Variants in CARS1 observed in about 807,000 individuals in gnomAD.
CARS1 encodes cysteine--tRNA ligase, cytoplasmic.
In CARS1, 48 loss-of-function variants were observed where a neutral mutation model predicts 106.2. The ratio of observed to expected loss-of-function variants is 0.45; its 90% confidence interval spans 0.36 to 0.57. The LOEUF (loss-of-function observed/expected upper bound fraction) is 0.57. Ranked by LOEUF, CARS1 falls within the 20% of genes least tolerant of loss-of-function variation. The pLI is 0.00. For missense variants in CARS1, 968 were observed against 1,057.2 expected (o/e 0.92, Z 1.17); for synonymous variants, 409 against 403.4 (o/e 1.01, Z -0.17).
chr11:3,018,772 T>G (rs747684315), intron 12 of CARS1, 23 bp from the exon 13 acceptor site: 1 of 1,609,446 alleles, frequency 6.2e-7, no homozygotes, highest in East Asian at 2.2e-5. Context: ...AGACAAAGGA[T>G]GTCAACAGTC....
chr11:3,024,708 A>C (rs543944412), intron 10 of CARS1, among the ~76,000 whole-genome samples: 1 of 152,310 alleles, frequency 6.6e-6, no homozygotes, highest in East Asian at 1.9e-4. Flanking sequence ...TCGGCCTCCC[A>C]AAGTGCTGGG....
chr11:3,032,549 G>A (rs1442828552), intron 7 of CARS1, among the ~76,000 whole-genome samples: 2 of 152,166 alleles, frequency 1.3e-5, no homozygotes, highest in Non-Finnish European at 2.9e-5. Flanking sequence ...CTAGAGAACT[G>A]ACTGGTTGTC....
chr11:3,010,911 A>G (rs1850384865), intron 18 of CARS1, among the ~76,000 whole-genome samples: 2 of 152,128 alleles, frequency 1.3e-5, no homozygotes, highest in Admixed American at 1.3e-4. Flanking sequence ...ACCCTCCATA[A>G]TGGGCTCTGC....
At chr11:3,010,083 CACAAA>C (rs1225871970) in intron 18 of CARS1, among the ~76,000 whole-genome samples, 20 of 152,232 alleles carry the variant, frequency 1.3e-4, no homozygotes, top group Non-Finnish European at 4.4e-5. Context: ...TGCTCCAAGC[CACAAA>C]ACAAAAGTGA....
At position 3,030,942 on chromosome 11, in the gene CARS1, T is replaced by C. The variant is rs1565072274; in HGVS notation, c.802-1499A>G. ...GAACAGGAAGACAGAACTGAAGAAGTCATCCAAAATGAAACAGAGACAAGA... is the reference window on the plus strand; with the variant it reads ...GAACAGGAAGACAGAACTGAAGAAGCCATCCAAAATGAAACAGAGACAAGA... On this transcript the variant is annotated intron_variant, in intron 7 of 22. Transcript: ENST00000380525. This position sits in a 1 kb window ranked among gnomAD's most constrained non-coding sequence, Gnocchi z 5.7. The C allele has an allele frequency of 6.6e-6, 1 of 152,082 alleles. No individual in the cohort carries two copies. 9.4% of individuals were successfully genotyped at this position (152,082 alleles called of 1,614,324 possible). A position where few individuals can be genotyped will look rare whatever the true frequency, so the allele number is the denominator to read the frequency against.
At chr11:3,054,888 C>T (rs1856041779) in intron 1 of CARS1, 2 of 702,466 alleles carry the variant, frequency 2.8e-6, no homozygotes, top group African/African-American at 1.7e-5. Flanking sequence ...TGATGAGCAG[C>T]CGACCAAGTG....
rs1055743873 is a variant in CARS1, at chr11:3,022,568, A to G, written c.1154-2236T>C. On this transcript the variant is annotated intron_variant, in intron 10 of 22. Transcript: ENST00000380525. This position sits in a 1 kb window ranked among gnomAD's most constrained non-coding sequence, Gnocchi z 4.9. ...GGGCAACAGACCTATTATGGTTACA[A>G]CACAATGTCTTTCAAGTTTTCCTTC... is the stretch of plus-strand genomic sequence containing the variant. Among the ~76,000 whole-genome samples the G allele has an allele frequency of 2.6e-5, 4 of 152,182 alleles. No individual in the cohort carries two copies. Among genetic ancestry groups the G allele is most frequent in the Non-Finnish European group, 5.9e-5 (4 of 68,030 alleles).
At position 3,028,802 on chromosome 11, in the gene CARS1, G is replaced by C; in HGVS notation, c.1031+194C>G. On this transcript the variant is annotated intron_variant, in intron 9 of 22. Coordinates refer to ENST00000380525, the MANE Select transcript of CARS1 (RefSeq NM_001014437.3). The surrounding 1 kb of genome is among the most constrained non-coding windows in gnomAD (Gnocchi z 4.4). ...GGTTAGGTTCTCACCATGGCCCCCA[G>C]GACAGTGCAGACCCATGCTCCTCAG... is the stretch of plus-strand genomic sequence containing the variant. 2 of 588,954 alleles carry C rather than the reference G, an allele frequency of 3.4e-6. No homozygotes were observed. The highest frequency in any genetic ancestry group is 6.0e-6 in the Non-Finnish European group (2 of 331,418). The allele number at this position is 588,954 out of a possible 1,614,324, so 36.5% of individuals were successfully genotyped here.
chr11:3,051,800 C>T (rs1297382933), intron 1 of CARS1, among the ~76,000 whole-genome samples: 5 of 152,194 alleles, frequency 3.3e-5, no homozygotes, highest in Non-Finnish European at 5.9e-5. Context: ...CCTGTCCCCT[C>T]CCTGAGCCTT....
chr11:3,042,880 T>C (rs1298652338), intron 2 of CARS1, among the ~76,000 whole-genome samples: 1 of 152,204 alleles, frequency 6.6e-6, no homozygotes, highest in Non-Finnish European at 1.5e-5. Flanking sequence ...GGACCCCCTG[T>C]GGCCACGGCC....
rs372923129 is a variant in CARS1 at position 3,018,365 on chromosome 11, G to A, written c.1629+43C>T. The A allele has an allele frequency of 1.4e-4, 188 of 1,348,512 alleles. 2 individuals are homozygous for A. The African/African-American group carries it at 2.3e-3, about 16-fold the overall frequency. The allele number at this position is 1,348,512 out of a possible 1,614,324, so 83.5% of individuals were successfully genotyped here. On this transcript the variant is annotated intron_variant, in intron 14 of 22. Coordinates refer to ENST00000380525, the MANE Select transcript of CARS1 (RefSeq NM_001014437.3). ...CTGCACAAGGTGCCCACTGTGCAGG[G>A]GAGGCTGCTCCACCAACCTCCAGGA...
chr11:3,047,388 C>T (rs577477243), intron 2 of CARS1, among the ~76,000 whole-genome samples: 144 of 151,784 alleles, frequency 9.5e-4, no homozygotes, highest in African/African-American at 3.4e-3. Flanking sequence ...AGAGAAAGAA[C>T]TGAGTCAACC....
Position 3,050,195 on chromosome 11 carries a change from C to T in CARS1, c.26-2194G>A, listed in dbSNP as rs1486558423. ...CCTTCCTGAAGTCTCAACATGGATG[C>T]AGGGCTTAAAATGGCTTCCTGGGAT... is the stretch of plus-strand genomic sequence containing the variant. On this transcript the variant is annotated intron_variant, in intron 1 of 22. Transcript: ENST00000380525. This position sits in a 1 kb window ranked among gnomAD's most constrained non-coding sequence, Gnocchi z 6.3. Among the ~76,000 whole-genome samples, 2 of 152,150 alleles carry T rather than the reference C, an allele frequency of 1.3e-5. No homozygotes were observed. Among genetic ancestry groups the T allele is most frequent in the Non-Finnish European group, 1.5e-5 (1 of 68,022 alleles).
At position 3,040,177 on chromosome 11, in the gene CARS1, T is replaced by C. The variant is rs1854253741; in HGVS notation, c.456-246A>G. The C allele has an allele frequency of 2.3e-6, 1 of 436,080 alleles. No homozygotes were observed. The highest frequency in any genetic ancestry group is 4.2e-5 in the Admixed American group (1 of 23,918). 27.0% of individuals were successfully genotyped at this position (436,080 alleles called of 1,614,324 possible). A position where few individuals can be genotyped will look rare whatever the true frequency, so the allele number is the denominator to read the frequency against. On this transcript the variant is annotated intron_variant, in intron 4 of 22. Transcript: ENST00000380525. This position sits in a 1 kb window ranked among gnomAD's most constrained non-coding sequence, Gnocchi z 5.8. The stretch of plus-strand genomic sequence containing the variant: ...TATTGCCTCTCCCTTATGATTTTCT[T>C]CATAATATTTTCTTTTCTCTGGCTT...
rs1224147436 is a variant in CARS1, at chr11:3,047,038, G to C, written c.274+715C>G. ...CACACTTGTAATCCCAGCACTTTGGGAGGCCGAGGCGGGTGGATCACGAGG... is the reference window on the plus strand; with the variant it reads ...CACACTTGTAATCCCAGCACTTTGGCAGGCCGAGGCGGGTGGATCACGAGG... On this transcript the variant is annotated intron_variant, in intron 2 of 22. Transcript: ENST00000380525. Among the ~76,000 whole-genome samples the C allele has an allele frequency of 2.0e-5, 3 of 152,146 alleles. No homozygotes were observed. The East Asian group carries it at 5.8e-4, about 29-fold the overall frequency.
In CARS1 at chr11:3,041,082, T is replaced by A; in HGVS notation, c.367-98A>T. ...ACAAACATCACAGTGTGGTTTGTGT[T>A]TAGTGTAAACAATTCAACAGAGACC... On this transcript the variant is annotated intron_variant, in intron 3 of 22. Coordinates refer to ENST00000380525, the MANE Select transcript of CARS1 (RefSeq NM_001014437.3). The surrounding 1 kb of genome is among the most constrained non-coding windows in gnomAD (Gnocchi z 4.9). 6.3e-7 allele frequency: 1 copy of A among 1,596,660 alleles called. No individual in the cohort carries two copies.
chr11:3,038,021 G>T lies in CARS1; in HGVS notation c.801+29C>A, dbSNP rs1020940379. The T allele has an allele frequency of 6.3e-7, 1 of 1,598,360 alleles. No homozygotes were observed. Among genetic ancestry groups the T allele is most frequent in the Non-Finnish European group, 8.6e-7 (1 of 1,168,460 alleles). On this transcript the variant is annotated intron_variant, in intron 7 of 22. Coordinates refer to ENST00000380525, the MANE Select transcript of CARS1 (RefSeq NM_001014437.3). This position sits in a 1 kb window ranked among gnomAD's most constrained non-coding sequence, Gnocchi z 4.0. Reference sequence around the variant, plus strand: ...CACGGCCCGACATTTGACCCGAACGGGCTGTCTGGGAGATGTGTGAAGCCT... The same window carrying T: ...CACGGCCCGACATTTGACCCGAACGTGCTGTCTGGGAGATGTGTGAAGCCT...
At position 3,026,507 on chromosome 11, in the gene CARS1, T is replaced by C. The variant is rs1472639191; in HGVS notation, c.1153+169A>G. On this transcript the variant is annotated intron_variant, in intron 10 of 22. Coordinates refer to ENST00000380525, the MANE Select transcript of CARS1 (RefSeq NM_001014437.3). ...AAAACACATGTCATGGTCTTAGAGC[T>C]GCACAATGTTGAGTGCAGAAAACTC... Among the ~76,000 whole-genome samples, 5 of 152,168 alleles carry C rather than the reference T, an allele frequency of 3.3e-5. No individual in the cohort carries two copies. The South Asian group carries it at 1.0e-3, about 32-fold the overall frequency.
Position 3,044,853 on chromosome 11 carries a change from G to C in CARS1, c.275-2597C>G, listed in dbSNP as rs974017222. Among the ~76,000 whole-genome samples, 3 of 152,148 alleles carry C rather than the reference G, an allele frequency of 2.0e-5. No individual in the cohort carries two copies. In the South Asian group the frequency reaches 6.2e-4, roughly 31 times the overall value. ...AGGCTGAAGATAAAATGATGGAGAG[G>C]GAAGCCAGGAAGTGGCAAGCAGTCT... On this transcript the variant is annotated intron_variant, in intron 2 of 22. Coordinates refer to ENST00000380525, the MANE Select transcript of CARS1 (RefSeq NM_001014437.3). The surrounding 1 kb of genome is among the most constrained non-coding windows in gnomAD (Gnocchi z 4.4).
Sources: gnomAD v4.1 joint callset for allele counts (sites outside exome capture counted in the v4.1 genomes callset) on GRCh38, gnomAD v4.1.1 for gene constraint, Gnocchi (gnomAD v3.1) non-coding constraint, MANE v1.5 for transcripts, NCBI Gene and HGNC (gene_info 2026-07-23, HGNC 2026-07-21) for gene names.